TAB2: variants seen among roughly 807,000 people sequenced by gnomAD.
The protein encoded by TAB2 is TGF-beta activated kinase 1 (MAP3K7) binding protein 2.
In TAB2, 3 loss-of-function variants were observed where a neutral mutation model predicts 65.0. That is an observed-to-expected ratio of 0.05 (90% CI 0.02 to 0.12). The LOEUF (loss-of-function observed/expected upper bound fraction) is 0.12. TAB2 is among the 10% of genes least tolerant of loss of function. The pLI, the probability that TAB2 is intolerant of heterozygous loss-of-function variation, is 1.00. For synonymous variants in TAB2, 298 were observed against 285.1 expected (o/e 1.05, Z -0.46); for missense variants, 623 against 840.3 (o/e 0.74, Z 3.20).
chr6:149,346,721 T>A (rs1317873854), intron 1 of TAB2: 1 of 152,214 alleles, frequency 6.6e-6, no homozygotes, highest in Admixed American at 6.5e-5. Flanking sequence ...CCCAAAGTGC[T>A]GGGATTACAG....
chr6:149,355,295 A>G (rs1164215652), intron 1 of TAB2, among the ~76,000 whole-genome samples: 1 of 152,212 alleles, frequency 6.6e-6, no homozygotes, highest in Non-Finnish European at 1.5e-5. Context: ...TCAAGTATTA[A>G]TAAATTACAG....
chr6:149,408,221 C>G (rs1313604477), intron 6 of TAB2, among the ~76,000 whole-genome samples: 1 of 152,024 alleles, frequency 6.6e-6, no homozygotes, highest in African/African-American at 2.4e-5. Context: ...TTGTCAGACC[C>G]TTGATTTTTT....
chr6:149,289,943 G>A (rs1778746924), intron 1 of TAB2, among the ~76,000 whole-genome samples: 1 of 152,176 alleles, frequency 6.6e-6, no homozygotes, highest in South Asian at 2.1e-4. Flanking sequence ...ATAGGTGGTT[G>A]GCAGTTGGTT....
chr6:149,267,613 A>AG (rs767785965), intron 1 of TAB2, among the ~76,000 whole-genome samples: 10 of 152,178 alleles, frequency 6.6e-5, no homozygotes, highest in Non-Finnish European at 1.3e-4. Flanking sequence ...CATTGCAGTC[A>AG]GGTGTCACTA....
chr6:149,219,770 TA>T (rs1777100203), intron 1 of TAB2, among the ~76,000 whole-genome samples: 1 of 152,332 alleles, frequency 6.6e-6, no homozygotes, highest in African/African-American at 2.4e-5. Flanking sequence ...ATTCTTTCAT[TA>T]CTTTTGATAG....
chr6:149,339,593 A>ATTTTT (rs1562422713), intron 1 of TAB2, among the ~76,000 whole-genome samples: 1,051 of 15,454 alleles, frequency 0.068, 19 homozygotes, highest in Middle Eastern at 0.25. Context: ...TTTTTTATTT[A>ATTTTT]TTTATTTATT....
intron 1 of TAB2, among the ~76,000 whole-genome samples, chr6:149,268,170 A>G (rs1472787830): frequency 6.6e-6 from 1 of 152,180 alleles, no homozygotes; most frequent in Non-Finnish European, 1.5e-5. Flanking sequence ...TCATCAGTTC[A>G]AGGGCTGATG....
chr6:149,318,910 GTTT>G (rs1779347813), intron 1 of TAB2: 1 of 152,202 alleles, frequency 6.6e-6, no homozygotes, highest in Admixed American at 6.5e-5. Flanking sequence ...TGATAAGAGG[GTTT>G]TCCAGGAGAG....
At position 149,378,144 on chromosome 6, in the gene TAB2, T is replaced by C; in HGVS notation, c.229T>C (p.Ser77Pro). 6.2e-7 allele frequency: 1 copy of C among 1,614,186 alleles called. No individual in the cohort carries two copies. The highest frequency in any genetic ancestry group is 1.1e-5 in the South Asian group (1 of 91,084). Residue 77 changes from serine to proline, a missense_variant, in exon 3 of 7, where the codon TCT becomes CCT. Around this residue, in one of 3 missense-constraint regions of TAB2, gnomAD observed 550 missense variants for 665.7 expected, o/e 0.83. Coordinates refer to ENST00000637181, the MANE Select transcript of TAB2 (RefSeq NM_001292034.3). ...GISGLRNHMT[S>P]LNLDLQSQNI... ...TTCTGGTCTACGCAATCACATGACT[T>C]CTCTCAACTTGGACTTGCAATCACA... is the stretch of plus-strand genomic sequence containing the variant.
intron 1 of TAB2, among the ~76,000 whole-genome samples, chr6:149,235,421 C>A (rs1777477867): frequency 6.6e-6 from 1 of 152,126 alleles, no homozygotes; most frequent in Non-Finnish European, 1.5e-5. Flanking sequence ...TTGAAACATC[C>A]TATTAAAAGG....
At chr6:149,370,690 A>G (rs574881548) in intron 2 of TAB2, among the ~76,000 whole-genome samples, 27 of 152,196 alleles carry the variant, frequency 1.8e-4, no homozygotes, top group Non-Finnish European at 3.4e-4. Flanking sequence ...CTTAGTATAC[A>G]CAGTTTTGGA....
intron 1 of TAB2, among the ~76,000 whole-genome samples, chr6:149,269,372 T>G (rs975527271): frequency 2.0e-5 from 3 of 152,218 alleles, no homozygotes; most frequent in Non-Finnish European, 4.4e-5. Flanking sequence ...ATACCATTTT[T>G]AAATTGAATA....
intron 1 of TAB2, among the ~76,000 whole-genome samples, chr6:149,283,309 G>A (rs1177624371): frequency 6.6e-6 from 1 of 152,180 alleles, no homozygotes. Context: ...AGGATGGGAG[G>A]CAGTAAGTTA....
intron 2 of TAB2, among the ~76,000 whole-genome samples, chr6:149,377,245 T>G (rs34894285): frequency 0.016 from 2,402 of 151,376 alleles, 53 homozygotes; most frequent in South Asian, 0.098. Context: ...TAATTTTTTT[T>G]TATTTTTAGT....
intron 1 of TAB2, among the ~76,000 whole-genome samples, chr6:149,349,309 A>G (rs1780410761): frequency 1.3e-5 from 2 of 151,252 alleles, no homozygotes; most frequent in South Asian, 2.1e-4. Context: ...AATCCTAGCT[A>G]CTTGGGAGGC....
chr6:149,291,442 G>C (rs1778774970), intron 1 of TAB2: 1 of 152,240 alleles, frequency 6.6e-6, no homozygotes, highest in Non-Finnish European at 1.5e-5. Flanking sequence ...GGGCCATAGT[G>C]CTCTAAACCG....
intron 3 of TAB2, among the ~76,000 whole-genome samples, chr6:149,382,413 G>A (rs1275004598): frequency 6.6e-6 from 1 of 151,542 alleles, no homozygotes; most frequent in African/African-American, 2.4e-5. Context: ...CTGGCCAACA[G>A]GGTGAAACCC....
At chr6:149,298,409 C>T (rs1157323190) in intron 1 of TAB2, among the ~76,000 whole-genome samples, 1 of 152,174 alleles carries the variant, frequency 6.6e-6, no homozygotes, top group Admixed American at 6.5e-5. Context: ...TGGGCAATGG[C>T]TTGAGCCTGG....
chr6:149,291,879 A>G (rs894181938), intron 1 of TAB2, among the ~76,000 whole-genome samples: 2 of 152,128 alleles, frequency 1.3e-5, no homozygotes, highest in African/African-American at 4.8e-5. Flanking sequence ...CAAAAAACAA[A>G]CAAAAGAAAC....
Sources: gnomAD v4.1 joint callset for allele counts (sites outside exome capture counted in the v4.1 genomes callset) on GRCh38, gnomAD v4.1.1 for gene constraint, gnomAD v4.1.1 regional missense constraint, MANE v1.5 for transcripts, NCBI Gene and HGNC (gene_info 2026-07-23, HGNC 2026-07-21) for gene names.